Variants in KIF13B observed in about 807,000 individuals in gnomAD.
The protein encoded by KIF13B is kinesin family member 13B.
A neutral mutation model predicts 222.0 loss-of-function variants in KIF13B; 127 were observed. The ratio of observed to expected loss-of-function variants is 0.57; its 90% CI spans 0.50 to 0.66. The LOEUF (loss-of-function observed/expected upper bound fraction) is 0.66. Ranked by LOEUF, KIF13B falls within the 30% of genes least tolerant of loss-of-function variation. KIF13B has a pLI of 0.00. For synonymous variants in KIF13B, 976 were observed against 919.0 expected, an observed-to-expected ratio of 1.06 and a Z score of -1.12; for missense variants, 2,173 against 2,379.0, an observed-to-expected ratio of 0.91 and a Z score of 1.80.
At chr8:29,110,852 CA>C (rs1277264474) in intron 32 of KIF13B, among the ~76,000 whole-genome samples, 4 of 152,230 alleles carry the variant, frequency 2.6e-5, no homozygotes, top group Non-Finnish European at 2.9e-5. Context: ...ATACTTTATT[CA>C]CTTGTAAATT....
intron 2 of KIF13B, among the ~76,000 whole-genome samples, chr8:29,221,364 A>G (rs2130529204): frequency 6.6e-6 from 1 of 151,430 alleles, no homozygotes; most frequent in Admixed American, 6.6e-5. Flanking sequence ...CGGCCTCCCA[A>G]AATGCTGGGA....
intron 2 of KIF13B, among the ~76,000 whole-genome samples, chr8:29,203,302 G>A (rs1162357848): frequency 6.6e-6 from 1 of 152,140 alleles, no homozygotes; most frequent in Non-Finnish European, 1.5e-5. Context: ...CAGTCTCAGG[G>A]CTTTCATACA....
chr8:29,136,486 A>G (rs938133968), intron 21 of KIF13B, among the ~76,000 whole-genome samples: 4 of 152,144 alleles, frequency 2.6e-5, no homozygotes, highest in African/African-American at 7.2e-5. Context: ...AGACTGAGAC[A>G]GGAGAATCAC....
chr8:29,115,861 G>A (rs1034337771), intron 31 of KIF13B, among the ~76,000 whole-genome samples: 3 of 152,010 alleles, frequency 2.0e-5, no homozygotes, highest in Non-Finnish European at 2.9e-5. Flanking sequence ...CCTGGCCAAT[G>A]CCCCTCCTCT....
rs1373896845 is a variant in KIF13B, at chr8:29,147,491, C to T, written c.1925G>A (p.Arg642Lys). 1 of 1,613,594 alleles carries T rather than the reference C, an allele frequency of 6.2e-7. No homozygotes were observed. Residue 642 changes from arginine to lysine, a missense_variant, in exon 17 of 40, where the codon AGA (arginine) becomes AAA (lysine). Coordinates refer to ENST00000524189, the MANE Select transcript of KIF13B (RefSeq NM_015254.4). The part of the protein sequence containing the change: ...MYEHELEQLR[R>K]RLSPEKQNCR... ...GTTCTGCTTCTCAGGAGACAGCCTT[C>T]TCCGGAGCTGCTCCAATTCGTGCTC...
Position 29,068,327 on chromosome 8 carries a change from C to T in KIF13B, c.*2177G>A, listed in dbSNP as rs985084055. 1.2e-4 allele frequency: 18 copies of T among 152,302 alleles called. No homozygotes were observed. Among genetic ancestry groups the T allele is most frequent in the East Asian group, 5.8e-4 (3 of 5,190 alleles). 9.4% of individuals were successfully genotyped at this position (152,302 alleles called of 1,614,324 possible). On this transcript the variant is annotated 3_prime_UTR_variant, in exon 40 of 40. Coordinates refer to ENST00000524189, the MANE Select transcript of KIF13B (RefSeq NM_015254.4). The surrounding 1 kb of genome is among the most constrained non-coding windows in gnomAD (Gnocchi z 4.4). ...GCCCACCACTCTGGAGACCGCACCTCCTGCCTGCCAAGTGCTGGCCCGGGG... is the reference window on the plus strand; with the variant it reads ...GCCCACCACTCTGGAGACCGCACCTTCTGCCTGCCAAGTGCTGGCCCGGGG...
intron 13 of KIF13B, among the ~76,000 whole-genome samples, chr8:29,158,854 C>T (rs571394286): frequency 2.6e-5 from 4 of 152,316 alleles, no homozygotes; most frequent in Non-Finnish European, 5.9e-5. Context: ...ACTCTCCAAA[C>T]ATCTTTAAAC....
intron 13 of KIF13B, among the ~76,000 whole-genome samples, chr8:29,156,462 G>A (rs181444510): frequency 2.6e-4 from 40 of 151,788 alleles, no homozygotes; most frequent in Middle Eastern, 6.8e-3. Flanking sequence ...CTTTAGTTCC[G>A]TTTTTTTCCC....
chr8:29,213,934 A>C (rs1189492556), intron 2 of KIF13B, among the ~76,000 whole-genome samples: 2 of 152,196 alleles, frequency 1.3e-5, no homozygotes, highest in Non-Finnish European at 2.9e-5. Flanking sequence ...AGTCTGGGAG[A>C]CAGAGCAAGA....
intron 1 of KIF13B, among the ~76,000 whole-genome samples, chr8:29,251,721 A>G (rs1816291778): frequency 6.6e-6 from 1 of 152,208 alleles, no homozygotes; most frequent in Admixed American, 6.5e-5. Flanking sequence ...TGTGAAATGT[A>G]CTCAATGCTA....
At chr8:29,144,653 T>C (rs1340874952) in intron 18 of KIF13B, among the ~76,000 whole-genome samples, 1 of 152,154 alleles carries the variant, frequency 6.6e-6, no homozygotes, top group East Asian at 1.9e-4. Context: ...GGGTAGTGGC[T>C]TTCCTGGGGG....
At chr8:29,169,947 G>A (rs1323426420) in intron 10 of KIF13B, among the ~76,000 whole-genome samples, 11 of 152,204 alleles carry the variant, frequency 7.2e-5, no homozygotes, top group Non-Finnish European at 1.5e-4. Flanking sequence ...TACCAAAGGA[G>A]AAAAGCATGT....
intron 2 of KIF13B, among the ~76,000 whole-genome samples, chr8:29,228,693 T>C (rs1009345721): frequency 6.6e-6 from 1 of 151,984 alleles, no homozygotes; most frequent in Non-Finnish European, 1.5e-5. Context: ...AGCTGTGGCT[T>C]CACTGAGCTT....
At chr8:29,249,846 C>A (rs557208395) in intron 1 of KIF13B, 2 of 343,682 alleles carry the variant, frequency 5.8e-6, no homozygotes, top group Admixed American at 3.8e-5. Context: ...CCAAAAAAGG[C>A]AAATCTGTTC....
Position 29,142,155 on chromosome 8 carries a change from A to G in KIF13B, c.2334+2T>C. ...TAAGTGATTTTCTCTTAAATAACTT[A>G]CTGGGTTATCTTCTTCACACTCTTT... is the stretch of plus-strand genomic sequence containing the variant. On this transcript the variant is annotated splice_donor_variant, in intron 19 of 39. Transcript: ENST00000524189. LOFTEE classifies it high-confidence loss of function. 2 of 1,610,974 alleles carry G rather than the reference A, an allele frequency of 1.2e-6. No homozygotes were observed.
intron 23 of KIF13B, among the ~76,000 whole-genome samples, chr8:29,131,838 T>C (rs972428891): frequency 6.6e-6 from 1 of 152,264 alleles, no homozygotes; most frequent in African/African-American, 2.4e-5. Flanking sequence ...GGAAGTTTAA[T>C]TGTGTGATTA....
intron 2 of KIF13B, among the ~76,000 whole-genome samples, chr8:29,207,120 C>T (rs1813986533): frequency 1.3e-5 from 2 of 152,180 alleles, no homozygotes; most frequent in Non-Finnish European, 2.9e-5. Flanking sequence ...GAAATTCTAA[C>T]TCCTTAAGCA....
chr8:29,131,211 C>G (rs1810329466), intron 23 of KIF13B, among the ~76,000 whole-genome samples: 1 of 152,028 alleles, frequency 6.6e-6, no homozygotes, highest in African/African-American at 2.4e-5. Context: ...GAAAAACTAC[C>G]TCCTGAGTAC....
intron 18 of KIF13B, chr8:29,146,133 G>T: frequency 5.1e-6 from 3 of 591,200 alleles, no homozygotes; most frequent in Non-Finnish European, 9.0e-6. Context: ...AAGGAAGAAA[G>T]TTGAGTGAAA....
Sources: allele counts gnomAD v4.1 joint callset (sites outside exome capture counted in the v4.1 genomes callset), GRCh38; gene constraint gnomAD v4.1.1; non-coding constraint Gnocchi (gnomAD v3.1); transcripts MANE v1.5; gene names NCBI Gene and HGNC (gene_info 2026-07-23, HGNC 2026-07-21).